Variants in HIVEP1 observed in about 807,000 individuals in gnomAD.
The protein encoded by HIVEP1 is HIVEP zinc finger 1, also known as zinc finger protein 40.
HIVEP1 carries 36 observed loss-of-function variants against 180.0 expected under a neutral mutation model. That is an observed-to-expected ratio of 0.20 (90% CI 0.15 to 0.26). The LOEUF (loss-of-function observed/expected upper bound fraction) is 0.26. Among genes scored for constraint, HIVEP1 ranks in the 10% least tolerant of loss-of-function variants. The pLI, the probability that HIVEP1 is intolerant of heterozygous loss-of-function variation, is 1.00. For missense variants in HIVEP1, 3,143 were observed against 3,268.7 expected (o/e 0.96, Z 0.94); for synonymous variants, 1,239 against 1,239.0 (o/e 1.00, Z 0.00).
intron 2 of HIVEP1, among the ~76,000 whole-genome samples, chr6:12,024,068 T>G (rs1379920516): frequency 6.6e-6 from 1 of 152,224 alleles, no homozygotes; most frequent in African/African-American, 2.4e-5. Context: ...CTTCTGCATA[T>G]TAATACTATG....
chr6:12,125,312 A>G lies in HIVEP1; in HGVS notation c.5517A>G (p.Ser1839=). Residue 1839 remains serine, a synonymous_variant, in exon 4 of 9, where the codon TCA becomes TCG. Coordinates refer to ENST00000379388, the MANE Select transcript of HIVEP1 (RefSeq NM_002114.4). ...NLTNVLPADN[S]STGCSKFVVI... ...CAAATGTTTTACCAGCTGATAATTC[A>G]TCAACAGGATGCTCTAAATTTGTCG... is the stretch of plus-strand genomic sequence containing the variant. The G allele has an allele frequency of 6.2e-7, 1 of 1,613,926 alleles. No individual in the cohort carries two copies. The highest frequency in any genetic ancestry group is 8.5e-7 in the Non-Finnish European group (1 of 1,179,958).
chr6:12,074,248 A>G (rs1413121146), intron 2 of HIVEP1, among the ~76,000 whole-genome samples: 1 of 152,188 alleles, frequency 6.6e-6, no homozygotes, highest in Admixed American at 6.5e-5. Context: ...TGATGCACCG[A>G]TACCAGTGAT....
intron 2 of HIVEP1, among the ~76,000 whole-genome samples, chr6:12,080,439 A>G (rs1392110827): frequency 6.6e-6 from 1 of 152,170 alleles, no homozygotes; most frequent in Non-Finnish European, 1.5e-5. Context: ...GCCAAATGAA[A>G]CCAGGTGATT....
chr6:12,060,559 CCTCT>C (rs72009281), intron 2 of HIVEP1, among the ~76,000 whole-genome samples: 3,863 of 151,938 alleles, frequency 0.025, 170 homozygotes, highest in African/African-American at 0.088. Flanking sequence ...TAATGGATGG[CCTCT>C]CTCTCTCTGT....
At chr6:12,129,927 A>G in intron 5 of HIVEP1, 35 bp downstream of exon 5, 1 of 1,404,298 alleles carries the variant, frequency 7.1e-7, no homozygotes, top group Non-Finnish European at 9.9e-7. Flanking sequence ...ATGTACATTT[A>G]AACTGACTTT....
the HIVEP1 span, among the ~76,000 whole-genome samples, chr6:12,194,540 G>T: frequency 2.1e-3 from 314 of 152,158 alleles, 1 homozygote; most frequent in Non-Finnish European, 3.2e-3. Flanking sequence ...GTGGCTCACA[G>T]CTGTAATCCC....
intron 2 of HIVEP1, among the ~76,000 whole-genome samples, chr6:12,074,701 GA>G (rs1167290164): frequency 1.4e-5 from 2 of 141,478 alleles, no homozygotes; most frequent in Non-Finnish European, 3.2e-5. Context: ...CTGGTCATGA[GA>G]TTTTTTTTTT....
chr6:12,020,066 TAAG>T (rs570237602), intron 2 of HIVEP1, among the ~76,000 whole-genome samples: 49 of 152,304 alleles, frequency 3.2e-4, no homozygotes, highest in African/African-American at 9.9e-4. Flanking sequence ...AGAAAAGGTA[TAAG>T]AAGAATTGTT....
rs201933620 is a variant in HIVEP1 at position 12,164,269 on chromosome 6, C to T, written c.7965C>T (p.Gly2655=). 1.9e-6 allele frequency: 3 copies of T among 1,613,958 alleles called. No individual in the cohort carries two copies. Among genetic ancestry groups the T allele is most frequent in the Non-Finnish European group, 1.7e-6 (2 of 1,180,038 alleles). ...KPKPELTSIQ[G]QPASTSQPLL... Reference sequence around the variant, plus strand: ...AGCCTGAACTCACTTCCATACAGGGCCAACCAGCGTCCACGTCACAACCTC... The same window carrying T: ...AGCCTGAACTCACTTCCATACAGGGTCAACCAGCGTCCACGTCACAACCTC... The change falls in exon 9 of 9, where the codon GGC becomes GGT. Residue 2655 remains glycine (G), a synonymous_variant. Coordinates refer to ENST00000379388, the MANE Select transcript of HIVEP1 (RefSeq NM_002114.4).
At chr6:12,209,974 G>A in the HIVEP1 span, among the ~76,000 whole-genome samples, 1 of 152,080 alleles carries the variant, frequency 6.6e-6, no homozygotes. Flanking sequence ...TTATATAGCC[G>A]GGTGTAGTGG....
chr6:12,125,571 A>G lies in HIVEP1; in HGVS notation c.5776A>G (p.Lys1926Glu). Residue 1926 changes from lysine (K) to glutamate (E), a missense_variant, in exon 4 of 9, where the codon AAG becomes GAG. By Grantham distance (56) the Lys-to-Glu change is moderately conservative. Coordinates refer to ENST00000379388, the MANE Select transcript of HIVEP1 (RefSeq NM_002114.4). ...CACTTCTCTTTCATTGTTTAACATC[A>G]AGGACACCCAGCAGCTGGCTTTCCC... Reference protein sequence around the residue: ...PVTSLSLFNIKDTQQLAFPSL... With the variant: ...PVTSLSLFNIEDTQQLAFPSL... 1.9e-6 allele frequency: 3 copies of G among 1,614,204 alleles called. No homozygotes were observed. Among genetic ancestry groups the G allele is most frequent in the Non-Finnish European group, 2.5e-6 (3 of 1,180,046 alleles).
chr6:12,013,779 A>G lies in HIVEP1; in HGVS notation c.-104+1213A>G, dbSNP rs79123067. Among the ~76,000 whole-genome samples the G allele has an allele frequency of 1.6e-3, 248 of 152,222 alleles. 2 individuals are homozygous for G. The highest frequency in any genetic ancestry group is 0.016 in the East Asian group (83 of 5,186). On this transcript the variant is annotated intron_variant, in intron 1 of 8. Transcript: ENST00000379388. ...AAGGAGCTGAGAAACCCTATCTTTT[A>G]TAGATCACTTAGCACAATGCTAGAT...
the HIVEP1 span, among the ~76,000 whole-genome samples, chr6:12,197,996 C>T: frequency 6.6e-6 from 1 of 152,084 alleles, no homozygotes; most frequent in African/African-American, 2.4e-5. Flanking sequence ...GTTGGCTGGA[C>T]GTGGGTGTCA....
Position 12,120,483 on chromosome 6 carries a change from G to A in HIVEP1, c.688G>A (p.Ala230Thr). 1.9e-6 allele frequency: 3 copies of A among 1,614,122 alleles called. No individual in the cohort carries two copies. The highest frequency in any genetic ancestry group is 2.5e-6 in the Non-Finnish European group (3 of 1,180,008). Residue 230 changes from alanine (A) to threonine (T), a missense_variant, in exon 4 of 9, where the codon GCA (alanine) becomes ACA (threonine). Transcript: ENST00000379388. ...AGAAAAACTGAGGCCAAATAAAACT[G>A]CACGTTCCCCTCCCAAATTAAAAAA... ...KTEKLRPNKT[A>T]RSPPKLKNSS...
At chr6:12,085,541 A>G (rs1773063366) in intron 2 of HIVEP1, among the ~76,000 whole-genome samples, 1 of 152,158 alleles carries the variant, frequency 6.6e-6, no homozygotes, top group African/African-American at 2.4e-5. Context: ...CCCCTCTGGG[A>G]GGGCCTAATA....
intron 7 of HIVEP1, 57 bp downstream of exon 7, chr6:12,135,949 C>A: frequency 9.4e-7 from 1 of 1,067,338 alleles, no homozygotes; most frequent in Non-Finnish European, 1.4e-6. Flanking sequence ...AATTTTTTTG[C>A]TTCCATACCC....
At chr6:12,080,622 C>T (rs1208098502) in intron 2 of HIVEP1, among the ~76,000 whole-genome samples, 1 of 152,098 alleles carries the variant, frequency 6.6e-6, no homozygotes, top group Admixed American at 6.5e-5. Flanking sequence ...TTTAGTTGAT[C>T]TATGATCTTA....
chr6:12,102,793 A>G (rs931663563), intron 3 of HIVEP1, among the ~76,000 whole-genome samples: 8 of 152,258 alleles, frequency 5.3e-5, no homozygotes, highest in Admixed American at 2.6e-4. Context: ...TTCTTAAGGT[A>G]GAGTCAGAGC....
At chr6:12,119,846 G>A in intron 3 of HIVEP1, 44 bp from the exon 4 acceptor site, 1 of 1,283,022 alleles carries the variant, frequency 7.8e-7, no homozygotes, top group Non-Finnish European at 1.1e-6. Flanking sequence ...GTTGGTGTAT[G>A]TACAATGTTA....
Sources: gnomAD v4.1 joint callset for allele counts (sites outside exome capture counted in the v4.1 genomes callset) on GRCh38, gnomAD v4.1.1 for gene constraint, MANE v1.5 for transcripts, NCBI Gene and HGNC (gene_info 2026-07-23, HGNC 2026-07-21) for gene names.